Variants in BLOC1S1 observed in about 807,000 individuals in gnomAD.
BLOC1S1 encodes biogenesis of lysosomal organelles complex 1 subunit 1.
A neutral mutation model predicts 19.0 loss-of-function variants in BLOC1S1; 11 were observed. The ratio of observed to expected loss-of-function variants is 0.58; its 90% CI spans 0.37 to 0.96. BLOC1S1 has a LOEUF of 0.96. BLOC1S1 is among the 40% of genes least tolerant of loss of function. The pLI, the probability that BLOC1S1 is intolerant of heterozygous loss-of-function variation, is 0.01. For missense variants in BLOC1S1, 220 were observed against 195.9 expected, an observed-to-expected ratio of 1.12 and a Z score of -0.73; for synonymous variants, 94 against 76.4, an observed-to-expected ratio of 1.23 and a Z score of -1.20.
rs767528760 is a variant in BLOC1S1, at chr12:55,719,591, G to C, written c.444G>C (p.Leu148=). The C allele has an allele frequency of 1.9e-6, 3 of 1,614,038 alleles. No individual in the cohort carries two copies. The highest frequency in any genetic ancestry group is 2.5e-6 in the Non-Finnish European group (3 of 1,179,922). The change falls in exon 4 of 4, where the codon CTG becomes CTC. Residue 148 remains leucine (L), a synonymous_variant. Coordinates refer to ENST00000548925, the MANE Select transcript of BLOC1S1 (RefSeq NM_001487.4). ...TALEYVYKGQ[L]QSAPS ...TGGAATATGTCTACAAAGGGCAGCT[G>C]CAGTCTGCCCCTTCCTAGCCCCTGT...
At chr12:55,718,993 G>T in intron 2 of BLOC1S1, 98 bp from the exon 3 acceptor site, 2 of 1,472,472 alleles carry the variant, frequency 1.4e-6, no homozygotes, top group Non-Finnish European at 9.1e-7. Context: ...TATGAGCCCT[G>T]ATTCTTGGCT....
rs1301736593 is a variant in BLOC1S1 at position 55,716,132 on chromosome 12, G to A, written c.81G>A (p.Val27=). 2 of 1,611,240 alleles carry A rather than the reference G, an allele frequency of 1.2e-6. No homozygotes were observed. The highest frequency in any genetic ancestry group is 1.3e-5 in the African/African-American group (1 of 74,934). ...GPGVPSPQPD[V]TMLSRLLKEH... ...GCGTACCCAGCCCCCAGCCCGACGTGACCATGCTGTCCCGCCTCCTAAAAG... is the reference window on the plus strand; with the variant it reads ...GCGTACCCAGCCCCCAGCCCGACGTAACCATGCTGTCCCGCCTCCTAAAAG... Residue 27 remains valine, a synonymous_variant, in exon 1 of 4, where the codon GTG becomes GTA. Transcript: ENST00000548925.
intron 1 of BLOC1S1, chr12:55,716,420 A>G (rs974225258): frequency 1.5e-6 from 2 of 1,376,376 alleles, no homozygotes; most frequent in Non-Finnish European, 1.9e-6. Context: ...CAACGCCCCC[A>G]ATCCCCGACC....
chr12:55,716,580 G>A (rs78784079), intron 1 of BLOC1S1: 36,301 of 1,208,544 alleles, frequency 0.03, 593 homozygotes, highest in Middle Eastern at 0.047. Flanking sequence ...TGAAACCACC[G>A]GAACGGAGGT....
intron 2 of BLOC1S1, among the ~76,000 whole-genome samples, chr12:55,718,455 A>G (rs1876731742): frequency 6.6e-6 from 1 of 152,052 alleles, no homozygotes; most frequent in Non-Finnish European, 1.5e-5. Flanking sequence ...TTGATTGAAA[A>G]GAAAAACTAG....
rs746666462 is a variant in BLOC1S1 at position 55,716,086 on chromosome 12, T to C, written c.35T>C (p.Phe12Ser). The change falls in exon 1 of 4, where the codon TTC becomes TCC. Residue 12 changes from phenylalanine (F) to serine (S), a missense_variant. Physicochemically the swap from Phe to Ser is radical, Grantham distance 155 (BLOSUM62 -2). Coordinates refer to ENST00000548925, the MANE Select transcript of BLOC1S1 (RefSeq NM_001487.4). ...GGGAGCCGAGGTGAGCGTTCCAGCTTCCGGAGCCGGAGGGGGCCCGGCGTA... is the reference window on the plus strand; with the variant it reads ...GGGAGCCGAGGTGAGCGTTCCAGCTCCCGGAGCCGGAGGGGGCCCGGCGTA... ...APGSRGERSS[F>S]RSRRGPGVPS... is the part of the protein sequence containing the mutation. 4 of 1,582,286 alleles carry C rather than the reference T, an allele frequency of 2.5e-6. No individual in the cohort carries two copies. The Admixed American group carries it at 7.3e-5, about 29-fold the overall frequency.
At position 55,719,693 on chromosome 12, in the gene BLOC1S1, A is replaced by C; in HGVS notation, c.*84A>C. On this transcript the variant is annotated 3_prime_UTR_variant, in exon 4 of 4. Transcript: ENST00000548925. ...GGCTGACAAGCCTTGAATAAAACAC[A>C]AGCCTCCGTTTCTCTGTGGTGTGTT... The C allele has an allele frequency of 1.8e-6, 2 of 1,134,446 alleles. No individual in the cohort carries two copies. Among genetic ancestry groups the C allele is most frequent in the Non-Finnish European group, 2.6e-6 (2 of 768,520 alleles). The allele number at this position is 1,134,446 out of a possible 1,614,324, so 70.3% of individuals were successfully genotyped here. A position where few individuals can be genotyped will look rare whatever the true frequency, so the allele number is the denominator to read the frequency against.
intron 1 of BLOC1S1, 159 bp from the exon 2 acceptor site, chr12:55,716,774 T>C (rs1213882607): frequency 7.8e-7 from 1 of 1,276,370 alleles, no homozygotes; most frequent in Non-Finnish European, 1.0e-6. Context: ...TGAAAGAGGT[T>C]GCGCTATGTT....
intron 1 of BLOC1S1, 45 bp downstream of exon 1, chr12:55,716,241 T>C (rs1407602370): frequency 1.3e-6 from 2 of 1,567,874 alleles, no homozygotes; most frequent in Admixed American, 3.8e-5. Context: ...GGCCGCGGCC[T>C]AGCTTCAGCC....
Position 55,718,161 on chromosome 12 carries a change from G to A in BLOC1S1, c.219-930G>A, listed in dbSNP as rs375532802. Reference sequence around the variant, plus strand: ...CTGCCCACGCCTCCTCTCATTCCCCGGAAAGGAAAACAAAGGCTCAGTCTA... The same window carrying A: ...CTGCCCACGCCTCCTCTCATTCCCCAGAAAGGAAAACAAAGGCTCAGTCTA... On this transcript the variant is annotated intron_variant, in intron 2 of 3. Coordinates refer to ENST00000548925, the MANE Select transcript of BLOC1S1 (RefSeq NM_001487.4). Among the ~76,000 whole-genome samples the A allele has an allele frequency of 3.6e-4, 55 of 152,266 alleles. 1 individual carries two copies. Among genetic ancestry groups the A allele is most frequent in the African/African-American group, 1.1e-3 (47 of 41,540 alleles).
rs186301989 is a variant in BLOC1S1 at position 55,716,836 on chromosome 12, G to A, written c.146-97G>A. 4.4e-4 allele frequency: 590 copies of A among 1,338,794 alleles called. 3 individuals carry two copies. In the African/African-American group the frequency reaches 8.4e-3, roughly 19 times the overall value. The allele number at this position is 1,338,794 out of a possible 1,614,324, so 82.9% of individuals were successfully genotyped here. ...TTCAGAGATTAGTTAAGAAATTTCG[G>A]CAACTAGCAGAATAGTAATGGATGG... is the stretch of plus-strand genomic sequence containing the variant. On this transcript the variant is annotated intron_variant, in intron 1 of 3. Transcript: ENST00000548925.
At position 55,716,172 on chromosome 12, in the gene BLOC1S1, C is replaced by G; in HGVS notation, c.121C>G (p.Gln41Glu). 4 of 1,612,096 alleles carry G rather than the reference C, an allele frequency of 2.5e-6. No homozygotes were observed. Among genetic ancestry groups the G allele is most frequent in the Middle Eastern group, 1.7e-4 (1 of 6,060 alleles). Residue 41 changes from glutamine (Q) to glutamate (E), a missense_variant, in exon 1 of 4, where the codon CAG becomes GAG. Transcript: ENST00000548925. ...CCTCCTAAAAGAACACCAGGCCAAG[C>G]AGAATGAACGCAAGGAGCTGCAGGG... ...SRLLKEHQAK[Q>E]NERKELQEKR...
chr12:55,716,589 G>A, intron 1 of BLOC1S1: 1 of 1,217,578 alleles, frequency 8.2e-7, no homozygotes, highest in Non-Finnish European at 1.0e-6. Flanking sequence ...CGGAACGGAG[G>A]TGGGGCACTT....
At chr12:55,717,157 A>C in intron 2 of BLOC1S1, 152 bp downstream of exon 2, 1 of 571,210 alleles carries the variant, frequency 1.8e-6, no homozygotes. Context: ...TTTGTAGAGC[A>C]ACTTGAGTCA....
intron 1 of BLOC1S1, 35 bp from the exon 2 acceptor site, chr12:55,716,898 G>A (rs770096940): frequency 1.9e-6 from 3 of 1,565,478 alleles, no homozygotes; most frequent in Non-Finnish European, 2.6e-6. Flanking sequence ...AAAAAACCAA[G>A]TCTCCCCTCC....
rs747189207 is a variant in BLOC1S1 at position 55,719,613 on chromosome 12, CT to C, written c.*5del. The C allele has an allele frequency of 1.9e-6, 3 of 1,613,130 alleles. No individual in the cohort carries two copies. The highest frequency in any genetic ancestry group is 2.5e-6 in the Non-Finnish European group (3 of 1,179,316). On this transcript the variant is annotated 3_prime_UTR_variant, in exon 4 of 4. Coordinates refer to ENST00000548925, the MANE Select transcript of BLOC1S1 (RefSeq NM_001487.4). ...GCTGCAGTCTGCCCCTTCCTAGCCCCTGTTCCCTCCCCCAACCCTATCCCTC... is the reference window on the plus strand; with the variant it reads ...GCTGCAGTCTGCCCCTTCCTAGCCCCGTTCCCTCCCCCAACCCTATCCCTC...
rs552686044 is a variant in BLOC1S1, at chr12:55,716,455, C to A, written c.145+259C>A. 1,067 of 1,336,164 alleles carry A rather than the reference C, an allele frequency of 8.0e-4. 3 individuals are homozygous for A. The highest frequency in any genetic ancestry group is 9.5e-4 in the Non-Finnish European group (993 of 1,047,648). 82.8% of individuals were successfully genotyped at this position (1,336,164 alleles called of 1,614,324 possible). A position where few individuals can be genotyped will look rare whatever the true frequency, so the allele number is the denominator to read the frequency against. On this transcript the variant is annotated intron_variant, in intron 1 of 3. Transcript: ENST00000548925. ...CTGCCGCACCTTAGCCCCGCCCCTG[C>A]CCCGGAGCGCCCTGCCTATTGGCCC... is the stretch of plus-strand genomic sequence containing the variant.
chr12:55,719,322 G>A (rs1216355690), intron 3 of BLOC1S1, 99 bp downstream of exon 3: 4 of 1,589,314 alleles, frequency 2.5e-6, no homozygotes, highest in Non-Finnish European at 2.6e-6. Context: ...AAGTAGGGTG[G>A]TCCCAGAAAC....
intron 2 of BLOC1S1, among the ~76,000 whole-genome samples, chr12:55,717,654 A>G (rs1323284654): frequency 1.3e-5 from 2 of 152,216 alleles, no homozygotes; most frequent in East Asian, 1.9e-4. Context: ...GAAAGGCAGT[A>G]TGGTACCTTC....
Sources: gnomAD v4.1 joint callset for allele counts (sites outside exome capture counted in the v4.1 genomes callset) on GRCh38, gnomAD v4.1.1 for gene constraint, MANE v1.5 for transcripts, NCBI Gene and HGNC (gene_info 2026-07-23, HGNC 2026-07-21) for gene names.